Variants in PIK3CD observed in about 807,000 individuals in gnomAD.
PIK3CD encodes phosphatidylinositol-4,5-bisphosphate 3-kinase catalytic subunit delta.
A neutral mutation model predicts 122.9 loss-of-function variants in PIK3CD; 20 were observed. That is an observed-to-expected ratio of 0.16 (90% CI 0.11 to 0.24). The LOEUF (loss-of-function observed/expected upper bound fraction) is 0.24. Among genes scored for constraint, PIK3CD ranks in the 10% least tolerant of loss-of-function variants. PIK3CD has a pLI of 1.00. For synonymous variants in PIK3CD, 596 were observed against 593.4 expected, an observed-to-expected ratio of 1.00 and a Z score of -0.06; for missense variants, 787 against 1,406.3, an observed-to-expected ratio of 0.56 and a Z score of 7.04.
At chr1:9,699,713 A>G (rs1646556188) in intron 2 of PIK3CD, among the ~76,000 whole-genome samples, 1 of 151,912 alleles carries the variant, frequency 6.6e-6, no homozygotes, top group Non-Finnish European at 1.5e-5. Flanking sequence ...CTCCTGCCTC[A>G]GCCTACTTGG....
chr1:9,637,878 C>A, the PIK3CD span, among the ~76,000 whole-genome samples: 1 of 151,884 alleles, frequency 6.6e-6, no homozygotes, highest in Admixed American at 6.6e-5. Context: ...CCAAGGCAGG[C>A]GGATCACTTG....
chr1:9,657,119 G>A (rs1358505885), intron 1 of PIK3CD, among the ~76,000 whole-genome samples: 1 of 151,978 alleles, frequency 6.6e-6, no homozygotes, highest in Non-Finnish European at 1.5e-5. Flanking sequence ...TCCAGTCTCT[G>A]CCTCCGTCTT....
chr1:9,707,322 CTTT>C (rs112682484), intron 2 of PIK3CD, among the ~76,000 whole-genome samples: 5 of 117,086 alleles, frequency 4.3e-5, no homozygotes, highest in East Asian at 5.1e-4. Flanking sequence ...ATTGTGGTTT[CTTT>C]TTTTTTTTTT....
At position 9,715,020 on chromosome 1, in the gene PIK3CD, C is replaced by G. The variant is rs1403054087; in HGVS notation, c.142-521C>G. On this transcript the variant is annotated intron_variant, in intron 3 of 23. Transcript: ENST00000377346. This position sits in a 1 kb window ranked among gnomAD's most constrained non-coding sequence, Gnocchi z 4.1. The stretch of plus-strand genomic sequence containing the variant: ...ACCCCATCTCTACTAAAAAAAAATA[C>G]AAAAAATTTAGCCAGGCATGGTGGT... Among the ~76,000 whole-genome samples the G allele has an allele frequency of 6.6e-6, 1 of 151,892 alleles. No homozygotes were observed. The highest frequency in any genetic ancestry group is 1.5e-5 in the Non-Finnish European group (1 of 67,974).
intron 1 of PIK3CD, among the ~76,000 whole-genome samples, chr1:9,657,014 C>T (rs1644877871): frequency 6.6e-6 from 1 of 151,670 alleles, no homozygotes; most frequent in East Asian, 1.9e-4. Flanking sequence ...AAGGCATCAG[C>T]AAGGCCTCGC....
rs1650021843 is a variant in PIK3CD at position 9,728,419 on chromosome 1, G to A, written c.*1373G>A. 1 of 152,216 alleles carries A rather than the reference G, an allele frequency of 6.6e-6. No homozygotes were observed. The highest frequency in any genetic ancestry group is 2.4e-5 in the African/African-American group (1 of 41,446). 9.4% of individuals were successfully genotyped at this position (152,216 alleles called of 1,614,324 possible). ...GACTGTGGGCTTTTAGCAGCCCACAGGTGATCCTAACATATCAGGCCATGG... is the reference window on the plus strand; with the variant it reads ...GACTGTGGGCTTTTAGCAGCCCACAAGTGATCCTAACATATCAGGCCATGG... On this transcript the variant is annotated 3_prime_UTR_variant, in exon 24 of 24. Coordinates refer to ENST00000377346, the MANE Select transcript of PIK3CD (RefSeq NM_005026.5).
the PIK3CD span, among the ~76,000 whole-genome samples, chr1:9,640,595 AAAAG>A: frequency 2.0e-5 from 3 of 151,888 alleles, no homozygotes; most frequent in Non-Finnish European, 4.4e-5. Context: ...AAGAAAAAAA[AAAAG>A]AAACGAAAAT....
intron 1 of PIK3CD, among the ~76,000 whole-genome samples, chr1:9,681,301 A>C (rs960424552): frequency 3.3e-5 from 5 of 152,152 alleles, no homozygotes; most frequent in Admixed American, 6.5e-5. Context: ...GCAGTGGCAC[A>C]ATCAGAGCTC....
intron 1 of PIK3CD, among the ~76,000 whole-genome samples, chr1:9,687,932 C>T (rs372365714): frequency 1.3e-5 from 2 of 148,944 alleles, no homozygotes; most frequent in African/African-American, 4.9e-5. Context: ...GTGCTCTGGG[C>T]ATCCGGGACC....
intron 2 of PIK3CD, among the ~76,000 whole-genome samples, chr1:9,708,155 G>A (rs527649401): frequency 3.3e-5 from 5 of 151,904 alleles, no homozygotes; most frequent in African/African-American, 4.8e-5. Flanking sequence ...AGAAGACTCC[G>A]TGTGTACATA....
At chr1:9,725,024 T>C (rs1420187192) in intron 23 of PIK3CD, 88 bp downstream of exon 23, 1 of 1,501,840 alleles carries the variant, frequency 6.7e-7, no homozygotes, top group Non-Finnish European at 9.1e-7. Context: ...CTGAATGCAG[T>C]AGGCCCCAAA....
chr1:9,636,150 C>T, the PIK3CD span, among the ~76,000 whole-genome samples: 5 of 152,156 alleles, frequency 3.3e-5, no homozygotes, highest in African/African-American at 9.7e-5. Context: ...CCACTGTGCC[C>T]ATGTGTGTAT....
the PIK3CD span, among the ~76,000 whole-genome samples, chr1:9,640,745 T>G: frequency 6.6e-6 from 1 of 152,108 alleles, no homozygotes; most frequent in Non-Finnish European, 1.5e-5. Context: ...GTCCCGCCAC[T>G]CCCCGGCTCA....
At chr1:9,678,757 G>A (rs1645635261) in intron 1 of PIK3CD, among the ~76,000 whole-genome samples, 1 of 152,202 alleles carries the variant, frequency 6.6e-6, no homozygotes, top group African/African-American at 2.4e-5. Context: ...TTCAAAGTCT[G>A]TCTTGAACCT....
At chr1:9,726,595 G>A (rs1649668876) in intron 23 of PIK3CD, among the ~76,000 whole-genome samples, 1 of 152,164 alleles carries the variant, frequency 6.6e-6, no homozygotes, top group Non-Finnish European at 1.5e-5. Flanking sequence ...CGGTGAGGCT[G>A]CTGGGGCCAC....
At chr1:9,682,203 A>T (rs947177876) in intron 1 of PIK3CD, among the ~76,000 whole-genome samples, 1 of 152,088 alleles carries the variant, frequency 6.6e-6, no homozygotes, top group African/African-American at 2.4e-5. Context: ...GATTACAGAC[A>T]TGAGCCACCA....
rs190024390 is a variant in PIK3CD, at chr1:9,686,956, C to G, written c.-137-4511C>G. On this transcript the variant is annotated intron_variant, in intron 1 of 23. Coordinates refer to ENST00000377346, the MANE Select transcript of PIK3CD (RefSeq NM_005026.5). ...TTCTCTACACAATTTATTAAGGTCT[C>G]TATCTTTTTAGAGTTTGTCAGGGCA... 2.0e-3 allele frequency among the ~76,000 whole-genome samples: 308 copies of G among 152,322 alleles called. 2 individuals are homozygous for G. The highest frequency in any genetic ancestry group is 7.2e-3 in the African/African-American group (298 of 41,570).
chr1:9,653,970 C>T (rs1644758915), intron 1 of PIK3CD: 4 of 1,346,458 alleles, frequency 3.0e-6, no homozygotes, highest in Non-Finnish European at 9.9e-7. Flanking sequence ...CTTTGGGAGG[C>T]CCAGACGGGA....
chr1:9,718,641 G>A lies in PIK3CD; in HGVS notation c.1021-53G>A. On this transcript the variant is annotated intron_variant, in intron 8 of 23. Transcript: ENST00000377346. The surrounding 1 kb of genome is among the most constrained non-coding windows in gnomAD (Gnocchi z 7.2). ...GGAGACTGACACCTTAAGGGGGAGG[G>A]GAGAGGGGCTGGGCCTCTGCCTCCT... 2 of 1,504,608 alleles carry A rather than the reference G, an allele frequency of 1.3e-6. No homozygotes were observed. Among genetic ancestry groups the A allele is most frequent in the South Asian group, 2.2e-5 (2 of 88,980 alleles). The allele number at this position is 1,504,608 out of a possible 1,614,324, so 93.2% of individuals were successfully genotyped here. A position where few individuals can be genotyped will look rare whatever the true frequency, so the allele number is the denominator to read the frequency against.
Sources: gnomAD v4.1 joint callset for allele counts (sites outside exome capture counted in the v4.1 genomes callset) on GRCh38, gnomAD v4.1.1 for gene constraint, Gnocchi (gnomAD v3.1) non-coding constraint, MANE v1.5 for transcripts, NCBI Gene and HGNC (gene_info 2026-07-23, HGNC 2026-07-21) for gene names.